ST7: variants seen among roughly 807,000 people sequenced by gnomAD.
The protein encoded by ST7 is suppression of tumorigenicity 7, also known as suppressor of tumorigenicity 7 protein.
A neutral mutation model predicts 78.7 loss-of-function variants in ST7; 28 were observed. That is an observed-to-expected ratio of 0.36 (90% CI 0.26 to 0.49). ST7 has a LOEUF of 0.49. ST7 is among the 20% of genes least tolerant of loss of function. ST7 has a pLI of 0.99. For synonymous variants in ST7, 247 were observed against 249.6 expected, an observed-to-expected ratio of 0.99 and a Z score of 0.10; for missense variants, 418 against 696.0, an observed-to-expected ratio of 0.60 and a Z score of 4.49.
chr7:116,957,862 AAGC>A (rs1458899337), intron 1 of ST7, among the ~76,000 whole-genome samples: 1 of 152,262 alleles, frequency 6.6e-6, no homozygotes, highest in Non-Finnish European at 1.5e-5. Flanking sequence ...TTTTTGCAAA[AAGC>A]AGCATAAGTG....
intron 9 of ST7, among the ~76,000 whole-genome samples, chr7:117,148,863 GT>G (rs1420167966): frequency 6.6e-6 from 1 of 152,156 alleles, no homozygotes; most frequent in Non-Finnish European, 1.5e-5. Context: ...GGCTGGCAGG[GT>G]TGCTTCTGTG....
At chr7:116,995,532 A>C (rs1489218900) in intron 1 of ST7, among the ~76,000 whole-genome samples, 1 of 152,210 alleles carries the variant, frequency 6.6e-6, no homozygotes, top group Non-Finnish European at 1.5e-5. Context: ...TTGGGAGCCC[A>C]TGGGAAGCAA....
intron 8 of ST7, 100 bp downstream of exon 8, chr7:117,136,335 C>G (rs1360857234): frequency 3.5e-6 from 5 of 1,421,390 alleles, no homozygotes; most frequent in Admixed American, 1.8e-5. Context: ...TTCTCCTAGA[C>G]AAGAGAAAAT....
chr7:117,071,531 A>G (rs1053584498), intron 1 of ST7, among the ~76,000 whole-genome samples: 1 of 152,254 alleles, frequency 6.6e-6, no homozygotes, highest in Non-Finnish European at 1.5e-5. Context: ...AAGACACCAT[A>G]TGAAAATATG....
At chr7:117,011,278 C>A (rs77014374) in intron 1 of ST7, among the ~76,000 whole-genome samples, 3,676 of 152,228 alleles carry the variant, frequency 0.024, 57 homozygotes, top group Non-Finnish European at 0.037. Flanking sequence ...AACATAAACA[C>A]GCTGAATTAG....
intron 1 of ST7, among the ~76,000 whole-genome samples, chr7:117,078,276 T>G (rs1799502038): frequency 6.6e-6 from 1 of 152,222 alleles, no homozygotes; most frequent in African/African-American, 2.4e-5. Flanking sequence ...TCCTTGATGT[T>G]GAGAAGGTGC....
intron 1 of ST7, among the ~76,000 whole-genome samples, chr7:117,025,395 T>C (rs1225091216): frequency 6.6e-6 from 1 of 152,222 alleles, no homozygotes; most frequent in African/African-American, 2.4e-5. Flanking sequence ...TTTATTATTA[T>C]TTGTCATATG....
chr7:117,096,688 T>G (rs1471788400), intron 1 of ST7, among the ~76,000 whole-genome samples: 2 of 152,240 alleles, frequency 1.3e-5, no homozygotes, highest in African/African-American at 4.8e-5. Flanking sequence ...GTGAAAATGC[T>G]TTGTTATAAT....
At chr7:117,211,340 A>T (rs778611157) in intron 13 of ST7, among the ~76,000 whole-genome samples, 66 of 151,972 alleles carry the variant, frequency 4.3e-4, no homozygotes, top group Non-Finnish European at 6.3e-4. Context: ...ACCACTCTCC[A>T]CTCAGGGTGT....
intron 9 of ST7, among the ~76,000 whole-genome samples, chr7:117,168,106 A>G (rs572331931): frequency 2.6e-5 from 4 of 152,312 alleles, no homozygotes; most frequent in African/African-American, 9.6e-5. Context: ...TATGACTTTG[A>G]TTACCTCTCC....
chr7:117,114,340 G>A (rs59797491), intron 2 of ST7, among the ~76,000 whole-genome samples: 6,068 of 151,778 alleles, frequency 0.04, 359 homozygotes, highest in African/African-American at 0.13. Flanking sequence ...AATGTTACAG[G>A]TATTACTGTA....
chr7:116,967,292 C>G (rs776715098), intron 1 of ST7: 1 of 471,114 alleles, frequency 2.1e-6, no homozygotes, highest in Non-Finnish European at 4.4e-6. Context: ...CTCACATACC[C>G]GCAGTGGTGG....
At chr7:117,224,348 A>G (rs1261623616) in intron 15 of ST7, among the ~76,000 whole-genome samples, 3 of 152,090 alleles carry the variant, frequency 2.0e-5, no homozygotes, top group Admixed American at 6.6e-5. Flanking sequence ...TGTGCATGAC[A>G]TGATTTCTAC....
intron 1 of ST7, among the ~76,000 whole-genome samples, chr7:117,092,314 A>G (rs1004954001): frequency 2.0e-5 from 3 of 148,084 alleles, no homozygotes; most frequent in Non-Finnish European, 4.5e-5. Context: ...AGAAGTTATG[A>G]ATACCAGCCA....
chr7:117,188,924 G>A (rs1208434030), intron 10 of ST7, among the ~76,000 whole-genome samples: 5 of 151,968 alleles, frequency 3.3e-5, no homozygotes, highest in Non-Finnish European at 5.9e-5. Context: ...TCTTCAATTA[G>A]CATTTCATAT....
At chr7:116,996,089 T>G (rs1441405448) in intron 1 of ST7, among the ~76,000 whole-genome samples, 4 of 151,188 alleles carry the variant, frequency 2.6e-5, no homozygotes, top group Admixed American at 6.6e-5. Context: ...CCCGTTTTTT[T>G]TTTTTTTTTT....
intron 1 of ST7, among the ~76,000 whole-genome samples, chr7:117,086,025 C>T (rs1449799683): frequency 6.6e-6 from 1 of 152,180 alleles, no homozygotes; most frequent in Non-Finnish European, 1.5e-5. Flanking sequence ...CCCCTCCCCT[C>T]TCTTCCCTTC....
At chr7:117,140,822 C>T (rs1486845171) in intron 9 of ST7, among the ~76,000 whole-genome samples, 1 of 152,174 alleles carries the variant, frequency 6.6e-6, no homozygotes, top group Non-Finnish European at 1.5e-5. Context: ...CTGTAAGGAA[C>T]ACTCTCAGAC....
At chr7:117,096,471 T>G (rs1231944511) in intron 1 of ST7, among the ~76,000 whole-genome samples, 2 of 152,192 alleles carry the variant, frequency 1.3e-5, no homozygotes, top group East Asian at 3.8e-4. Context: ...CCTCTCCTTT[T>G]CTAATGAAAG....
Sources: gnomAD v4.1 joint callset for allele counts (sites outside exome capture counted in the v4.1 genomes callset) on GRCh38, gnomAD v4.1.1 for gene constraint, MANE v1.5 for transcripts, NCBI Gene and HGNC (gene_info 2026-07-23, HGNC 2026-07-21) for gene names.